The following ITGB1 variants were observed in gnomAD, a reference collection of about 807,000 sequenced individuals.
ITGB1 encodes the protein integrin beta-1.
ITGB1 carries 24 observed loss-of-function variants against 86.5 expected under a neutral mutation model. The ratio of observed to expected loss-of-function variants is 0.28; its 90% CI spans 0.20 to 0.39. The LOEUF is 0.39. Ranked by LOEUF, ITGB1 falls within the 10% of genes least tolerant of loss-of-function variation. The probability of loss-of-function intolerance (pLI) is 1.00; values close to 1 mark genes in which losing one functional copy is unlikely to be tolerated. For synonymous variants in ITGB1, 323 were observed against 316.8 expected, an observed-to-expected ratio of 1.02 and a Z score of -0.21; for missense variants, 556 against 946.9, an observed-to-expected ratio of 0.59 and a Z score of 5.42.
At position 32,901,482 on chromosome 10, in the gene ITGB1, C is replaced by T. The variant is rs1157594914; in HGVS notation, c.*88G>A. The stretch of plus-strand genomic sequence containing the variant: ...TTCAAAACCTGCACATGAGTAAAAC[C>T]ATGGCAATATTGCCCTAAAGCTACC... On this transcript the variant is annotated 3_prime_UTR_variant, in exon 16 of 16. Coordinates refer to ENST00000302278, the MANE Select transcript of ITGB1 (RefSeq NM_002211.4). 2 of 821,808 alleles carry T rather than the reference C, an allele frequency of 2.4e-6. No homozygotes were observed. The highest frequency in any genetic ancestry group is 3.5e-5 in the African/African-American group (2 of 57,604). 50.9% of individuals were successfully genotyped at this position (821,808 alleles called of 1,614,324 possible).
chr10:32,920,014 G>A lies in ITGB1; in HGVS notation c.1340C>T (p.Pro447Leu), dbSNP rs2094943936. ...CTCTACTTCCTCCGTAAAGCCCAGA[G>A]GCCTAATTTTAAAGCTGTCAGAATC... ...KKDSDSFKIR[P>L]LGFTEEVEVI... Residue 447 changes from proline (P) to leucine (L), a missense_variant, in exon 11 of 16, where the codon CCT becomes CTT. Pro to Leu is a moderately conservative substitution (Grantham distance 98). Transcript: ENST00000302278. 2 of 1,613,864 alleles carry A rather than the reference G, an allele frequency of 1.2e-6. No homozygotes were observed. The highest frequency in any genetic ancestry group is 1.7e-6 in the Non-Finnish European group (2 of 1,179,868).
Position 32,908,528 on chromosome 10 carries a change from G to T in ITGB1, c.2171C>A (p.Pro724His), listed in dbSNP as rs1476691716. ...AATTGGAATGATGTCTGGACCAGTGGGACACTCTGGAAAATAAGAAGGTAA... is the reference window on the plus strand; with the variant it reads ...AATTGGAATGATGTCTGGACCAGTGTGACACTCTGGAAAATAAGAAGGTAA... ...MVHVVENPEC[P>H]TGPDIIPIVA... The change falls in exon 15 of 16, where the codon CCC (proline) becomes CAC (histidine). Residue 724 changes from proline to histidine, a missense_variant. This residue lies in a region of ITGB1 where 330 missense variants were observed against 531.5 expected (regional missense o/e 0.62). Transcript: ENST00000302278. The T allele has an allele frequency of 1.9e-6, 3 of 1,613,322 alleles. No individual in the cohort carries two copies. Among genetic ancestry groups the T allele is most frequent in the Non-Finnish European group, 2.5e-6 (3 of 1,179,608 alleles).
chr10:32,906,131 T>C (rs376720067), intron 15 of ITGB1, among the ~76,000 whole-genome samples: 60 of 152,152 alleles, frequency 3.9e-4, no homozygotes, highest in African/African-American at 1.4e-3. Flanking sequence ...TTTCAAGTTA[T>C]ATTCAAGAAA....
chr10:32,930,690 G>A (rs2094980643), intron 3 of ITGB1, among the ~76,000 whole-genome samples: 1 of 152,022 alleles, frequency 6.6e-6, no homozygotes, highest in Non-Finnish European at 1.5e-5. Flanking sequence ...AAAGGAGTAA[G>A]TATATGACAA....
intron 13 of ITGB1, 57 bp from the exon 14 acceptor site, chr10:32,910,512 G>T: frequency 1.7e-6 from 2 of 1,210,546 alleles, no homozygotes; most frequent in Non-Finnish European, 2.3e-6. Flanking sequence ...GTAAATATTT[G>T]CTTAAACATA....
At position 32,928,547 on chromosome 10, in the gene ITGB1, A is replaced by G. The variant is rs188066017; in HGVS notation, c.377-283T>C. Among the ~76,000 whole-genome samples, 76 of 152,174 alleles carry G rather than the reference A, an allele frequency of 5.0e-4. 1 individual carries two copies. The highest frequency in any genetic ancestry group is 1.6e-4 in the Non-Finnish European group (11 of 67,996). ...AAAAAGTCAGTTTATAAGAGAAGAA[A>G]ACAAATAGAACACCATAAATTAGTC... On this transcript the variant is annotated intron_variant, in intron 4 of 15. Transcript: ENST00000302278.
Position 32,903,547 on chromosome 10 carries a change from T to C in ITGB1, c.2332-1912A>G, listed in dbSNP as rs765525177. On this transcript the variant is annotated intron_variant, in intron 15 of 15. Coordinates refer to ENST00000302278, the MANE Select transcript of ITGB1 (RefSeq NM_002211.4). ...TCCTGCAAGACACCAAATAAACCAC[T>C]GTGATTTCAGCTCAGCAGCTCATGT... Among the ~76,000 whole-genome samples, 25 of 152,026 alleles carry C rather than the reference T, an allele frequency of 1.6e-4. No homozygotes were observed. The East Asian group carries it at 4.6e-3, about 28-fold the overall frequency.
At chr10:32,917,199 G>T (rs1439481263) in intron 11 of ITGB1, among the ~76,000 whole-genome samples, 12 of 152,128 alleles carry the variant, frequency 7.9e-5, no homozygotes, top group Admixed American at 7.9e-4. Context: ...ATTCAAGATG[G>T]ATTAAAGACT....
chr10:32,940,539 C>T (rs2095015955), intron 1 of ITGB1, among the ~76,000 whole-genome samples: 1 of 152,118 alleles, frequency 6.6e-6, no homozygotes, highest in Non-Finnish European at 1.5e-5. Flanking sequence ...CATTACTAGG[C>T]AACAGGTGTT....
chr10:32,948,998 ATTG>A (rs2095037637), intron 1 of ITGB1, among the ~76,000 whole-genome samples: 1 of 151,998 alleles, frequency 6.6e-6, no homozygotes, highest in Non-Finnish European at 1.5e-5. Flanking sequence ...TGACTTCTCA[ATTG>A]AGAGGGCCAG....
intron 7 of ITGB1, among the ~76,000 whole-genome samples, chr10:32,923,118 T>C (rs1233094108): frequency 6.6e-6 from 1 of 152,206 alleles, no homozygotes; most frequent in Non-Finnish European, 1.5e-5. Flanking sequence ...TAATTAAATA[T>C]TCTATTATCT....
intron 3 of ITGB1, among the ~76,000 whole-genome samples, chr10:32,930,371 T>A (rs896824403): frequency 9.9e-5 from 15 of 152,186 alleles, no homozygotes; most frequent in African/African-American, 3.1e-4. Context: ...CTACTAATAA[T>A]GTATACATAC....
intron 1 of ITGB1, among the ~76,000 whole-genome samples, chr10:32,936,488 A>C (rs565549523): frequency 6.6e-6 from 1 of 152,204 alleles, no homozygotes; most frequent in South Asian, 2.1e-4. Context: ...TAAAATACTC[A>C]GTTTTAATTT....
intron 13 of ITGB1, among the ~76,000 whole-genome samples, chr10:32,910,978 A>G (rs1451469847): frequency 2.0e-5 from 3 of 152,162 alleles, no homozygotes; most frequent in Non-Finnish European, 4.4e-5. Context: ...ACCTTAAGTG[A>G]TCCACCTGTC....
At chr10:32,916,153 A>C (rs1453533393) in intron 11 of ITGB1, among the ~76,000 whole-genome samples, 1 of 152,190 alleles carries the variant, frequency 6.6e-6, no homozygotes, top group Non-Finnish European at 1.5e-5. Context: ...TATTGATGGG[A>C]TGTGTCTCAA....
chr10:32,940,361 T>A (rs1288035090), intron 1 of ITGB1, among the ~76,000 whole-genome samples: 4 of 150,722 alleles, frequency 2.7e-5, no homozygotes, highest in Non-Finnish European at 4.4e-5. Context: ...AAAAAAAAAA[T>A]TAACAATATA....
chr10:32,924,444 C>T (rs1365785755), intron 6 of ITGB1, among the ~76,000 whole-genome samples: 2 of 152,094 alleles, frequency 1.3e-5, no homozygotes, highest in East Asian at 1.9e-4. Flanking sequence ...TTATTTAATA[C>T]GTCTGTTTAG....
At chr10:32,944,714 G>T in intron 1 of ITGB1, 1 of 688,744 alleles carries the variant, frequency 1.5e-6, no homozygotes, top group Non-Finnish European at 2.8e-6. Context: ...GACAGACAAA[G>T]TGATTAGCCC....
At chr10:32,923,496 A>C (rs1448711297) in intron 7 of ITGB1, 89 bp downstream of exon 7, 2 of 1,177,896 alleles carry the variant, frequency 1.7e-6, no homozygotes, top group Non-Finnish European at 2.4e-6. Context: ...AACCCTGAGA[A>C]ACCCCAAGCC....
Sources: allele counts gnomAD v4.1 joint callset (sites outside exome capture counted in the v4.1 genomes callset), GRCh38; gene constraint gnomAD v4.1.1; regional missense constraint gnomAD v4.1.1; transcripts MANE v1.5; gene names NCBI Gene and HGNC (gene_info 2026-07-23, HGNC 2026-07-21).